The following ACOX2 variants were observed in gnomAD, a reference collection of about 807,000 sequenced individuals.
ACOX2 encodes acyl-CoA oxidase 2, also known as peroxisomal acyl-coenzyme A oxidase 2.
Under a neutral mutation model 77.5 loss-of-function variants are expected in ACOX2, and 59 were observed. The ratio of observed to expected loss-of-function variants is 0.76; its 90% CI spans 0.62 to 0.95. The LOEUF (loss-of-function observed/expected upper bound fraction) is 0.95, where lower values mean the gene tolerates loss of function less well. Among genes scored for constraint, ACOX2 ranks in the 40% least tolerant of loss-of-function variants. The pLI is 0.00. For synonymous variants in ACOX2, 317 were observed against 340.1 expected (o/e 0.93, Z 0.75); for missense variants, 837 against 880.4 (o/e 0.95, Z 0.62).
intron 7 of ACOX2, 43 bp from the exon 8 acceptor site, chr3:58,530,681 C>T (rs763934330): frequency 1.3e-6 from 2 of 1,583,440 alleles, no homozygotes; most frequent in East Asian, 4.5e-5. Context: ...GCCAAGGCTT[C>T]CCAGGATGCC....
At position 58,517,329 on chromosome 3, in the gene ACOX2, C is replaced by A; in HGVS notation, c.1727G>T (p.Cys576Phe). ...GATTCCATGTATGGCATGGAGGTCA[C>A]AGAGGCGCTTGAGCACCTGCTGAAT... ...PAIQQVLKRL[C>F]DLHAIHGILT... is the part of the protein sequence containing the mutation. Residue 576 changes from cysteine to phenylalanine, a missense_variant, in exon 13 of 15, where the codon TGT becomes TTT. Physicochemically the swap from Cys to Phe is radical, Grantham distance 205 (BLOSUM62 -2). Transcript: ENST00000302819. 1.9e-6 allele frequency: 3 copies of A among 1,614,170 alleles called. No individual in the cohort carries two copies. Among genetic ancestry groups the A allele is most frequent in the Non-Finnish European group, 2.5e-6 (3 of 1,180,036 alleles).
rs368321693 is a variant in ACOX2 at position 58,528,846 on chromosome 3, A to C, written c.1103T>G (p.Phe368Cys). ...CAGAATGGCAGTGTAGGAGTGCTGG[A>C]AGAACTCCAAGAGGCTGACTGCCAG... The part of the protein sequence containing the change: ...HFLAVSLLEF[F>C]QHSYTAILNQ... Residue 368 changes from phenylalanine (F) to cysteine (C), a missense_variant, in exon 9 of 15, where the codon TTC (phenylalanine) becomes TGC (cysteine). Transcript: ENST00000302819. This position sits in a 1 kb window ranked among gnomAD's most constrained non-coding sequence, Gnocchi z 5.6. 1.2e-6 allele frequency: 2 copies of C among 1,613,716 alleles called. No homozygotes were observed. Among genetic ancestry groups the C allele is most frequent in the African/African-American group, 2.7e-5 (2 of 75,036 alleles).
chr3:58,514,335 G>A lies in ACOX2; in HGVS notation c.1850+2871C>T, dbSNP rs1200638860. Among the ~76,000 whole-genome samples, 1 of 152,150 alleles carries A rather than the reference G, an allele frequency of 6.6e-6. No individual in the cohort carries two copies. The highest frequency in any genetic ancestry group is 1.9e-4 in the East Asian group (1 of 5,194). On this transcript the variant is annotated intron_variant, in intron 13 of 14. Transcript: ENST00000302819. The surrounding 1 kb of genome is among the most constrained non-coding windows in gnomAD (Gnocchi z 4.3). ...GTCCATTCACTGATGTTTTAGTAGGGTTTCGGGAAAGAACAGAAGTAAATG... is the reference window on the plus strand; with the variant it reads ...GTCCATTCACTGATGTTTTAGTAGGATTTCGGGAAAGAACAGAAGTAAATG...
In ACOX2 at chr3:58,527,706, A is replaced by G. The variant is rs141807585; in HGVS notation, c.1156-1050T>C. On this transcript the variant is annotated intron_variant, in intron 9 of 14. Transcript: ENST00000302819. ...AATTTGTTTGTTTTTCTTTTTTGAG[A>G]CAGCGTCTCACTCTGCTGCTCAGGC... Among the ~76,000 whole-genome samples the G allele has an allele frequency of 4.0e-3, 609 of 152,042 alleles. 4 individuals are homozygous for G. The highest frequency in any genetic ancestry group is 0.014 in the African/African-American group (587 of 41,478).
chr3:58,532,398 T>C (rs1183702524), intron 5 of ACOX2, among the ~76,000 whole-genome samples: 1 of 152,072 alleles, frequency 6.6e-6, no homozygotes, highest in Non-Finnish European at 1.5e-5. Context: ...TTCTTTCTTT[T>C]GTTTTTGAGA....
At chr3:58,510,202 G>A (rs2063268111) in intron 13 of ACOX2, among the ~76,000 whole-genome samples, 1 of 152,010 alleles carries the variant, frequency 6.6e-6, no homozygotes. Context: ...CTGGGATACT[G>A]TATCCAATGT....
In ACOX2 at chr3:58,522,505, C is replaced by G; in HGVS notation, c.1623G>C (p.Gln541His). ...GCTGGCAGGCGCTCACCTTAGCAGCCTGGAGGTGTATGACAGTGGTCTGGT... is the reference window on the plus strand; with the variant it reads ...GCTGGCAGGCGCTCACCTTAGCAGCGTGGAGGTGTATGACAGTGGTCTGGT... The part of the protein sequence containing the change: ...AWNQTTVIHL[Q>H]AAKVHCYYVT... The change falls in exon 12 of 15, where the codon CAG becomes CAC. Residue 541 changes from glutamine (Q) to histidine (H), a missense_variant. By Grantham distance (24) the Gln-to-His change is conservative. Transcript: ENST00000302819. The surrounding 1 kb of genome is among the most constrained non-coding windows in gnomAD (Gnocchi z 4.3). 6.2e-7 allele frequency: 1 copy of G among 1,614,128 alleles called. No homozygotes were observed. Among genetic ancestry groups the G allele is most frequent in the Non-Finnish European group, 8.5e-7 (1 of 1,180,012 alleles).
chr3:58,534,749 ACTCTTCTAT>A lies in ACOX2; in HGVS notation c.160+189_160+197del, dbSNP rs2063468497. On this transcript the variant is annotated intron_variant, in intron 2 of 14. Transcript: ENST00000302819. This position sits in a 1 kb window ranked among gnomAD's most constrained non-coding sequence, Gnocchi z 4.8. ...GAATCCAGGTCTTCTGCTGCCTAGG[ACTCTTCTAT>A]CCCCTAGGTGGGCTCAGGCAATATT... is the stretch of plus-strand genomic sequence containing the variant. 1 of 1,318,472 alleles carries A rather than the reference ACTCTTCTAT, an allele frequency of 7.6e-7. No homozygotes were observed. 81.7% of individuals were successfully genotyped at this position (1,318,472 alleles called of 1,614,324 possible). A position where few individuals can be genotyped will look rare whatever the true frequency, so the allele number is the denominator to read the frequency against.
intron 7 of ACOX2, among the ~76,000 whole-genome samples, chr3:58,530,904 C>T (rs1353318404): frequency 3.9e-5 from 6 of 152,204 alleles, no homozygotes; most frequent in Non-Finnish European, 5.9e-5. Context: ...TGCTGGCATT[C>T]TGGCTGGTAT....
In ACOX2 at chr3:58,526,471, C is replaced by T. The variant is rs755002165; in HGVS notation, c.1341G>A (p.Val447=). 7.4e-5 allele frequency: 119 copies of T among 1,611,670 alleles called. No homozygotes were observed. The highest frequency in any genetic ancestry group is 9.4e-5 in the Non-Finnish European group (111 of 1,178,722). The change falls in exon 10 of 15, where the codon GTG becomes GTA. Residue 447 remains valine (V), a synonymous_variant. Transcript: ENST00000302819. This position sits in a 1 kb window ranked among gnomAD's most constrained non-coding sequence, Gnocchi z 4.3. ...TGGGTCAGCCTGGACCTTACCTGGC[C>T]ACCTGCAGGTAGAGCACTGTGTTCT... is the stretch of plus-strand genomic sequence containing the variant. The part of the protein sequence containing the change: ...EGENTVLYLQ[V]ARFLVKSYLQ...
rs368168920 is a variant in ACOX2 at position 58,531,230 on chromosome 3, C to T, written c.819+21G>A. On this transcript the variant is annotated intron_variant, in intron 7 of 14. Transcript: ENST00000302819. This position sits in a 1 kb window ranked among gnomAD's most constrained non-coding sequence, Gnocchi z 5.8. ...CCCCTCTCCAGGAAGTACAAGTCCC[C>T]GGCCTCCCCAGATCTGTAACCTGTG... 9.4e-6 allele frequency: 15 copies of T among 1,598,870 alleles called. No individual in the cohort carries two copies. Among genetic ancestry groups the T allele is most frequent in the East Asian group, 4.5e-5 (2 of 44,554 alleles).
chr3:58,522,420 C>T lies in ACOX2; in HGVS notation c.1632+76G>A, dbSNP rs1489688629. ...GCAGAGTTGGGGAATAATGGCAGAG[C>T]CCGGATTTTCCCAGCAGGGTAGCCT... On this transcript the variant is annotated intron_variant, in intron 12 of 14. Coordinates refer to ENST00000302819, the MANE Select transcript of ACOX2 (RefSeq NM_003500.4). The surrounding 1 kb of genome is among the most constrained non-coding windows in gnomAD (Gnocchi z 4.3). 7 of 1,422,656 alleles carry T rather than the reference C, an allele frequency of 4.9e-6. No individual in the cohort carries two copies. The highest frequency in any genetic ancestry group is 3.9e-6 in the Non-Finnish European group (4 of 1,014,628). 88.1% of individuals were successfully genotyped at this position (1,422,656 alleles called of 1,614,324 possible). A position where few individuals can be genotyped will look rare whatever the true frequency, so the allele number is the denominator to read the frequency against.
chr3:58,529,283 G>A, intron 8 of ACOX2: 1 of 181,998 alleles, frequency 5.5e-6, no homozygotes, highest in East Asian at 1.4e-4. Context: ...TTCAGGTGAA[G>A]AGTTGTGGCC....
intron 12 of ACOX2, among the ~76,000 whole-genome samples, chr3:58,520,544 C>A (rs1044062109): frequency 2.0e-5 from 3 of 152,256 alleles, no homozygotes; most frequent in Non-Finnish European, 2.9e-5. Flanking sequence ...AGAGCTGGGA[C>A]CAGAATTTAG....
In ACOX2 at chr3:58,534,407, C is replaced by T; in HGVS notation, c.276G>A (p.Arg92=). The change falls in exon 3 of 15, where the codon CGG becomes CGA. Residue 92 remains arginine, a synonymous_variant. Transcript: ENST00000302819. The surrounding 1 kb of genome is among the most constrained non-coding windows in gnomAD (Gnocchi z 4.8). ...GACCATCTTCTAACCAACCCAGGCG[C>T]CGAGCTATCAACCGGATGTGGAATG... is the stretch of plus-strand genomic sequence containing the variant. The part of the protein sequence containing the change: ...RRAFHIRLIA[R]RLGWLEDGRE... 6.2e-7 allele frequency: 1 copy of T among 1,614,196 alleles called. No individual in the cohort carries two copies. The highest frequency in any genetic ancestry group is 8.5e-7 in the Non-Finnish European group (1 of 1,180,040).
chr3:58,534,370 A>G lies in ACOX2; in HGVS notation c.313T>C (p.Tyr105His). The G allele has an allele frequency of 3.1e-6, 5 of 1,614,202 alleles. No individual in the cohort carries two copies. Among genetic ancestry groups the G allele is most frequent in the Non-Finnish European group, 4.2e-6 (5 of 1,180,024 alleles). The change falls in exon 3 of 15, where the codon TAC becomes CAC. Residue 105 changes from tyrosine (Y) to histidine (H), a missense_variant. By Grantham distance (83) the Tyr-to-His change is moderately conservative (BLOSUM62 2). Transcript: ENST00000302819. This position sits in a 1 kb window ranked among gnomAD's most constrained non-coding sequence, Gnocchi z 4.8. ...GWLEDGRELG[Y>H]AYRALSGDVA... is the part of the protein sequence containing the mutation. ...TCGAGGAGTGAGCACCTGTAAGCGT[A>G]GCCTAATTCACGACCATCTTCTAAC...
In ACOX2 at chr3:58,521,170, T is replaced by C. The variant is rs1448499051; in HGVS notation, c.1632+1326A>G. On this transcript the variant is annotated intron_variant, in intron 12 of 14. Transcript: ENST00000302819. This position sits in a 1 kb window ranked among gnomAD's most constrained non-coding sequence, Gnocchi z 4.8. ...CAGTTAGCACAGCAGGGGGTGCCCCTGCTGTAGGCTGAGCAGAACTGAGGG... is the reference window on the plus strand; with the variant it reads ...CAGTTAGCACAGCAGGGGGTGCCCCCGCTGTAGGCTGAGCAGAACTGAGGG... Among the ~76,000 whole-genome samples the C allele has an allele frequency of 1.3e-5, 2 of 152,180 alleles. No homozygotes were observed. The highest frequency in any genetic ancestry group is 2.9e-5 in the Non-Finnish European group (2 of 68,014).
chr3:58,531,949 G>A lies in ACOX2; in HGVS notation c.584-137C>T. 7.6e-7 allele frequency: 1 copy of A among 1,320,232 alleles called. No homozygotes were observed. The highest frequency in any genetic ancestry group is 9.9e-7 in the Non-Finnish European group (1 of 1,006,700). 81.8% of individuals were successfully genotyped at this position (1,320,232 alleles called of 1,614,324 possible). A position where few individuals can be genotyped will look rare whatever the true frequency, so the allele number is the denominator to read the frequency against. ...AAAGTCACTGATCAAAGAGAGAGGG[G>A]ATTGCCCCCAAAGAACCAAGCAAAC... On this transcript the variant is annotated intron_variant, in intron 5 of 14. Transcript: ENST00000302819. This position sits in a 1 kb window ranked among gnomAD's most constrained non-coding sequence, Gnocchi z 5.8.
chr3:58,511,184 C>G (rs1367431327), intron 13 of ACOX2: 1 of 356,168 alleles, frequency 2.8e-6, no homozygotes, highest in Admixed American at 3.7e-5. Context: ...GTCTTTTCCT[C>G]TTGCATACTG....
Sources: allele counts gnomAD v4.1 joint callset (sites outside exome capture counted in the v4.1 genomes callset), GRCh38; gene constraint gnomAD v4.1.1; non-coding constraint Gnocchi (gnomAD v3.1); transcripts MANE v1.5; gene names NCBI Gene and HGNC (gene_info 2026-07-23, HGNC 2026-07-21).